NBEA: variants seen among roughly 807,000 people sequenced by gnomAD.
NBEA encodes the protein neurobeachin.
NBEA carries 44 observed loss-of-function variants against 343.4 expected under a neutral mutation model. The observed-to-expected ratio is 0.13, with a 90% CI of 0.10 to 0.16. The LOEUF (loss-of-function observed/expected upper bound fraction) is 0.16. Ranked by LOEUF, NBEA falls within the 10% of genes least tolerant of loss-of-function variation. The pLI, the probability that NBEA is intolerant of heterozygous loss-of-function variation, is 1.00. For missense variants in NBEA, 2,555 were observed against 3,631.3 expected (o/e 0.70, Z 7.62); for synonymous variants, 1,175 against 1,238.7 (o/e 0.95, Z 1.08).
intron 28 of NBEA, among the ~76,000 whole-genome samples, chr13:35,180,650 A>G (rs1342266889): frequency 2.0e-5 from 3 of 151,710 alleles, no homozygotes; most frequent in African/African-American, 7.2e-5. Context: ...CCTGTGCAGA[A>G]TAATGGACTA....
At chr13:35,331,021 TATGAAC>T (rs1317877983) in intron 36 of NBEA, among the ~76,000 whole-genome samples, 2 of 152,012 alleles carry the variant, frequency 1.3e-5, no homozygotes, top group Admixed American at 1.3e-4. Flanking sequence ...AAATCTAGAT[TATGAAC>T]ATGAAGAATT....
intron 1 of NBEA, among the ~76,000 whole-genome samples, chr13:35,020,865 T>G (rs2061814705): frequency 6.6e-6 from 1 of 151,864 alleles, no homozygotes; most frequent in Non-Finnish European, 1.5e-5. Flanking sequence ...TGGGGGGAGG[T>G]GTCTTTTTAA....
chr13:34,972,628 G>T (rs995042135), intron 1 of NBEA, among the ~76,000 whole-genome samples: 14 of 152,238 alleles, frequency 9.2e-5, no homozygotes, highest in Admixed American at 2.6e-4. Flanking sequence ...CCATGTAATT[G>T]TATGGTTTTG....
At chr13:35,142,001 CAAT>C (rs2068118244) in intron 17 of NBEA, among the ~76,000 whole-genome samples, 1 of 141,418 alleles carries the variant, frequency 7.1e-6, no homozygotes, top group Non-Finnish European at 1.5e-5. Context: ...AAAATAATAA[CAAT>C]GACATGTATG....
chr13:35,296,474 C>A (rs1409756017), intron 35 of NBEA, among the ~76,000 whole-genome samples: 1 of 151,126 alleles, frequency 6.6e-6, no homozygotes, highest in African/African-American at 2.4e-5. Context: ...AAAAAGAAAT[C>A]AATAACCCTA....
intron 18 of NBEA, among the ~76,000 whole-genome samples, chr13:35,143,912 A>C (rs1459443447): frequency 6.6e-6 from 1 of 151,594 alleles, no homozygotes; most frequent in Non-Finnish European, 1.5e-5. Context: ...ACAAAAAAAA[A>C]AACAAAAACA....
chr13:35,563,632 A>G (rs1178840122), intron 44 of NBEA, among the ~76,000 whole-genome samples: 1 of 151,766 alleles, frequency 6.6e-6, no homozygotes, highest in Non-Finnish European at 1.5e-5. Context: ...AAAGTTTATT[A>G]TATTTATTAG....
intron 36 of NBEA, among the ~76,000 whole-genome samples, chr13:35,340,672 C>G (rs935239954): frequency 6.6e-6 from 1 of 151,702 alleles, no homozygotes; most frequent in African/African-American, 2.4e-5. Flanking sequence ...TAAATTTAGC[C>G]AAAGAATGTC....
chr13:35,421,373 T>G (rs1228483390), intron 38 of NBEA, among the ~76,000 whole-genome samples: 3 of 152,112 alleles, frequency 2.0e-5, no homozygotes, highest in African/African-American at 7.2e-5. Flanking sequence ...GTATTACATT[T>G]TTTGTGCATA....
At chr13:35,045,463 T>TTTA in intron 4 of NBEA, 62 bp downstream of exon 4, 1 of 1,293,084 alleles carries the variant, frequency 7.7e-7, no homozygotes, top group South Asian at 1.4e-5. Context: ...TTTAGTAAGG[T>TTTA]TTAACTTACA....
At chr13:35,033,018 A>G (rs1211109476) in intron 1 of NBEA, among the ~76,000 whole-genome samples, 1 of 151,636 alleles carries the variant, frequency 6.6e-6, no homozygotes, top group Non-Finnish European at 1.5e-5. Flanking sequence ...ATGTGATTCC[A>G]TTTGTTCATG....
chr13:35,287,549 G>A (rs1310097061), intron 34 of NBEA, among the ~76,000 whole-genome samples: 1 of 151,706 alleles, frequency 6.6e-6, no homozygotes, highest in African/African-American at 2.4e-5. Flanking sequence ...AGCTATAAAG[G>A]TTTTTTTCAG....
chr13:34,990,386 C>A (rs2060709327), intron 1 of NBEA, among the ~76,000 whole-genome samples: 1 of 151,158 alleles, frequency 6.6e-6, no homozygotes, highest in African/African-American at 2.4e-5. Flanking sequence ...TAACTCTTGC[C>A]CTCTATGCCC....
chr13:34,988,641 G>C (rs775363472), intron 1 of NBEA, among the ~76,000 whole-genome samples: 1 of 150,948 alleles, frequency 6.6e-6, no homozygotes, highest in Non-Finnish European at 1.5e-5. Context: ...CATTTGCTGC[G>C]GACCAGAGCT....
Position 35,331,300 on chromosome 13 carries a change from G to A in NBEA, c.5904-17808G>A, listed in dbSNP as rs190295417. 2.3e-3 allele frequency among the ~76,000 whole-genome samples: 344 copies of A among 151,698 alleles called. 2 individuals carry two copies. Among genetic ancestry groups the A allele is most frequent in the Admixed American group, 4.7e-3 (72 of 15,206 alleles). ...CTGTCTTCTTCACTAAGTAAATCAG[G>A]ATCTTAAAATCTAATCTTACAGTTT... On this transcript the variant is annotated intron_variant, in intron 36 of 58. Transcript: ENST00000379939.
At chr13:35,144,792 A>G (rs2068313196) in intron 18 of NBEA, among the ~76,000 whole-genome samples, 1 of 152,162 alleles carries the variant, frequency 6.6e-6, no homozygotes, top group Non-Finnish European at 1.5e-5. Flanking sequence ...GAGACTCTGA[A>G]TCCAAAGCAG....
At chr13:35,660,262 A>G (rs2085022494) in intron 55 of NBEA, among the ~76,000 whole-genome samples, 1 of 152,212 alleles carries the variant, frequency 6.6e-6, no homozygotes, top group Admixed American at 6.5e-5. Flanking sequence ...CTCAAAAGCC[A>G]ATCTGCTTTT....
At chr13:34,961,175 A>G (rs770243176) in intron 1 of NBEA, among the ~76,000 whole-genome samples, 1 of 151,938 alleles carries the variant, frequency 6.6e-6, no homozygotes, top group Admixed American at 6.6e-5. Context: ...TATTAGTGGG[A>G]AGATTGTTTA....
intron 40 of NBEA, among the ~76,000 whole-genome samples, chr13:35,462,145 C>T (rs191052801): frequency 6.6e-6 from 1 of 152,258 alleles, no homozygotes; most frequent in East Asian, 1.9e-4. Flanking sequence ...CCCACCAAAA[C>T]AAATATAAGT....
Sources: gnomAD v4.1 joint callset for allele counts (sites outside exome capture counted in the v4.1 genomes callset) on GRCh38, gnomAD v4.1.1 for gene constraint, MANE v1.5 for transcripts, NCBI Gene and HGNC (gene_info 2026-07-23, HGNC 2026-07-21) for gene names.